The following CNTNAP2 variants were observed in gnomAD, a reference collection of about 807,000 sequenced individuals.
CNTNAP2 encodes the protein contactin-associated protein-like 2.
A neutral mutation model predicts 155.2 loss-of-function variants in CNTNAP2; 98 were observed. The ratio of observed to expected loss-of-function variants is 0.63; its 90% CI spans 0.54 to 0.75. The LOEUF is 0.75. Ranked by LOEUF, CNTNAP2 falls within the 30% of genes least tolerant of loss-of-function variation. The probability of loss-of-function intolerance (pLI) is 0.00; values close to 1 mark genes in which losing one functional copy is unlikely to be tolerated. For synonymous variants in CNTNAP2, 651 were observed against 631.2 expected (o/e 1.03, Z -0.47); for missense variants, 1,727 against 1,688.1 (o/e 1.02, Z -0.40).
intron 3 of CNTNAP2, among the ~76,000 whole-genome samples, chr7:146,890,599 CTCA>C (rs1367787087): frequency 5.3e-5 from 8 of 152,254 alleles, no homozygotes; most frequent in African/African-American, 1.4e-4. Flanking sequence ...TGTATAGCTT[CTCA>C]TCATCATTTT....
chr7:146,694,145 A>T (rs1036943779), intron 1 of CNTNAP2, among the ~76,000 whole-genome samples: 1 of 152,204 alleles, frequency 6.6e-6, no homozygotes, highest in Non-Finnish European at 1.5e-5. Flanking sequence ...GTAAGTGATG[A>T]ACTGAGAGAA....
chr7:147,392,313 CTT>C (rs5888251), intron 9 of CNTNAP2, among the ~76,000 whole-genome samples: 7 of 145,466 alleles, frequency 4.8e-5, no homozygotes, highest in Admixed American at 1.4e-4. Flanking sequence ...GTATCAAATT[CTT>C]TTTTTTTTTG....
intron 4 of CNTNAP2, among the ~76,000 whole-genome samples, chr7:147,066,109 T>C (rs1287759947): frequency 1.3e-5 from 2 of 152,170 alleles, no homozygotes; most frequent in Non-Finnish European, 2.9e-5. Flanking sequence ...CAACAGGAGC[T>C]TGATGTACAG....
chr7:147,465,721 A>G (rs746320007), intron 10 of CNTNAP2, among the ~76,000 whole-genome samples: 1 of 152,138 alleles, frequency 6.6e-6, no homozygotes, highest in Non-Finnish European at 1.5e-5. Context: ...CCACGTGTCT[A>G]TGTGTCTTTG....
chr7:146,588,516 G>A (rs141451018), intron 1 of CNTNAP2, among the ~76,000 whole-genome samples: 204 of 56,390 alleles, frequency 3.6e-3, no homozygotes, highest in African/African-American at 0.017. Context: ...CTTATTATAT[G>A]TATTTTTTTT....
chr7:147,674,812 CTT>C (rs1795842207), intron 13 of CNTNAP2, among the ~76,000 whole-genome samples: 2 of 151,976 alleles, frequency 1.3e-5, no homozygotes, highest in South Asian at 4.1e-4. Context: ...GGTTGAGACT[CTT>C]TAGTTGATAA....
intron 1 of CNTNAP2, among the ~76,000 whole-genome samples, chr7:146,193,513 G>C (rs558801359): frequency 1.5e-4 from 23 of 152,324 alleles, no homozygotes. Flanking sequence ...AGCCACAGCC[G>C]AAGTTGTACC....
At chr7:148,278,575 A>G (rs916105539) in intron 21 of CNTNAP2, among the ~76,000 whole-genome samples, 21 of 151,730 alleles carry the variant, frequency 1.4e-4, no homozygotes, top group African/African-American at 5.1e-4. Context: ...ATCTCAAAAA[A>G]AAAAAAAAAA....
intron 14 of CNTNAP2, among the ~76,000 whole-genome samples, chr7:147,929,321 G>A (rs1800457535): frequency 6.6e-6 from 1 of 152,044 alleles, no homozygotes; most frequent in Non-Finnish European, 1.5e-5. Flanking sequence ...ACACTATAGG[G>A]ACAGCATGTA....
chr7:146,461,426 A>G (rs925126137), intron 1 of CNTNAP2, among the ~76,000 whole-genome samples: 1 of 151,452 alleles, frequency 6.6e-6, no homozygotes, highest in Non-Finnish European at 1.5e-5. Context: ...ATATAATAAT[A>G]ATAATAATAA....
chr7:147,213,667 G>T (rs949063382), intron 8 of CNTNAP2, among the ~76,000 whole-genome samples: 2 of 152,028 alleles, frequency 1.3e-5, no homozygotes, highest in African/African-American at 4.8e-5. Flanking sequence ...GATTTATTAG[G>T]GATACTAGCT....
chr7:148,296,560 A>AAAAAAAAAAAC (rs1797290557), intron 21 of CNTNAP2, among the ~76,000 whole-genome samples: 1 of 146,166 alleles, frequency 6.8e-6, no homozygotes, highest in Non-Finnish European at 1.5e-5. Context: ...AAAAAAAAAA[A>AAAAAAAAAAAC]AAAAAAAATT....
chr7:147,412,641 A>G (rs1454065358), intron 10 of CNTNAP2, among the ~76,000 whole-genome samples: 2 of 152,194 alleles, frequency 1.3e-5, no homozygotes, highest in Middle Eastern at 3.2e-3. Flanking sequence ...TATAGAATGA[A>G]TGGAAAAATA....
chr7:147,578,304 G>C (rs1800434414), intron 12 of CNTNAP2, among the ~76,000 whole-genome samples: 1 of 152,056 alleles, frequency 6.6e-6, no homozygotes, highest in Non-Finnish European at 1.5e-5. Flanking sequence ...TCTTTTTCTT[G>C]TTTCAAGCCT....
intron 13 of CNTNAP2, among the ~76,000 whole-genome samples, chr7:147,802,050 C>A (rs937383055): frequency 1.3e-5 from 2 of 151,020 alleles, no homozygotes; most frequent in Admixed American, 1.3e-4. Context: ...GGGCTCCTCA[C>A]TTCTCAGACG....
chr7:148,410,725 C>T (rs6953753), intron 23 of CNTNAP2, among the ~76,000 whole-genome samples: 87,306 of 151,798 alleles, frequency 0.58, 25,803 homozygotes, highest in African/African-American at 0.66. Context: ...TACACAGGAG[C>T]TAAAAGATTT....
At chr7:147,307,007 A>G (rs115423465) in intron 9 of CNTNAP2, among the ~76,000 whole-genome samples, 4,082 of 152,314 alleles carry the variant, frequency 0.027, 195 homozygotes, top group African/African-American at 0.093. Flanking sequence ...AATTACATGT[A>G]TTTAAGAATA....
At chr7:147,494,295 G>A (rs1798656998) in intron 11 of CNTNAP2, among the ~76,000 whole-genome samples, 1 of 152,076 alleles carries the variant, frequency 6.6e-6, no homozygotes, top group South Asian at 2.1e-4. Context: ...AGGTCATTTG[G>A]AGAAACACAG....
intron 1 of CNTNAP2, among the ~76,000 whole-genome samples, chr7:146,308,816 G>A (rs1008170103): frequency 3.9e-5 from 6 of 152,068 alleles, no homozygotes; most frequent in South Asian, 2.1e-4. Flanking sequence ...ATCACATACC[G>A]GGGCCTGTTG....
Sources: allele counts gnomAD v4.1 joint callset (sites outside exome capture counted in the v4.1 genomes callset), GRCh38; gene constraint gnomAD v4.1.1; transcripts MANE v1.5; gene names NCBI Gene and HGNC (gene_info 2026-07-23, HGNC 2026-07-21).